The following C12orf42 variants were observed in gnomAD, a reference collection of about 807,000 sequenced individuals.
The protein encoded by C12orf42 is chromosome 12 open reading frame 42.
C12orf42 carries 25 observed loss-of-function variants against 21.6 expected under a neutral mutation model. That is an observed-to-expected ratio of 1.16 (90% CI 0.84 to 1.62). The LOEUF (loss-of-function observed/expected upper bound fraction) is 1.62. C12orf42 is among the 40% of genes most tolerant of loss of function. The probability of loss-of-function intolerance (pLI) is 0.00; values close to 1 mark genes in which losing one functional copy is unlikely to be tolerated. For missense variants in C12orf42, 483 were observed against 459.3 expected (o/e 1.05, Z -0.47); for synonymous variants, 174 against 175.0 (o/e 0.99, Z 0.05).
At chr12:103,390,778 C>A (rs1318708596) in intron 3 of C12orf42, among the ~76,000 whole-genome samples, 1 of 152,152 alleles carries the variant, frequency 6.6e-6, no homozygotes, top group Admixed American at 6.5e-5. Context: ...GAGATGACAT[C>A]TTAGTTCAAG....
chr12:103,335,419 G>T (rs1342792781), intron 4 of C12orf42, among the ~76,000 whole-genome samples: 2 of 152,132 alleles, frequency 1.3e-5, no homozygotes, highest in Non-Finnish European at 2.9e-5. Flanking sequence ...AGCCTTAATA[G>T]GCAGATAATT....
chr12:103,077,381 AC>A, the C12orf42 span, among the ~76,000 whole-genome samples: 7 of 152,338 alleles, frequency 4.6e-5, no homozygotes, highest in South Asian at 6.2e-4. Flanking sequence ...GTAAGCAAAA[AC>A]ACATTGAACT....
At chr12:103,136,283 A>G in the C12orf42 span, among the ~76,000 whole-genome samples, 1 of 152,172 alleles carries the variant, frequency 6.6e-6, no homozygotes, top group Admixed American at 6.5e-5. Flanking sequence ...AAAGAAAGCT[A>G]TATAAAATAT....
chr12:103,543,327 G>C, the C12orf42 span, among the ~76,000 whole-genome samples: 1 of 152,096 alleles, frequency 6.6e-6, no homozygotes, highest in African/African-American at 2.4e-5. Flanking sequence ...TTCTTAGGCC[G>C]GGCAGGCATG....
intron 4 of C12orf42, among the ~76,000 whole-genome samples, chr12:103,353,069 A>C (rs1440998098): frequency 4.6e-5 from 7 of 152,130 alleles, no homozygotes; most frequent in Non-Finnish European, 1.0e-4. Context: ...TTTTGTTTGC[A>C]AGTAAAGAAC....
the C12orf42 span, among the ~76,000 whole-genome samples, chr12:103,531,941 T>C: frequency 1.3e-5 from 2 of 152,224 alleles, no homozygotes; most frequent in South Asian, 2.1e-4. Context: ...TGTTGGCTTT[T>C]TTCTGTTTTT....
the C12orf42 span, among the ~76,000 whole-genome samples, chr12:103,217,807 G>A: frequency 1.3e-5 from 2 of 152,034 alleles, no homozygotes; most frequent in South Asian, 4.1e-4. Context: ...TCCTTGTAGA[G>A]CCCCCCTTAC....
At chr12:103,201,435 A>G in the C12orf42 span, among the ~76,000 whole-genome samples, 1 of 152,142 alleles carries the variant, frequency 6.6e-6, no homozygotes, top group Non-Finnish European at 1.5e-5. Context: ...ATCTCAAATC[A>G]CAATGCGATC....
chr12:103,215,789 C>T, the C12orf42 span, among the ~76,000 whole-genome samples: 1 of 152,186 alleles, frequency 6.6e-6, no homozygotes, highest in South Asian at 2.1e-4. Flanking sequence ...AATGCCTGAG[C>T]CTTGGAACAC....
chr12:103,328,491 C>T (rs2137005033), intron 4 of C12orf42, among the ~76,000 whole-genome samples: 1 of 152,180 alleles, frequency 6.6e-6, no homozygotes, highest in East Asian at 1.9e-4. Context: ...TATAGGAAAA[C>T]AAGATTTTAT....
intron 2 of C12orf42, among the ~76,000 whole-genome samples, chr12:103,447,293 T>C (rs1481207520): frequency 6.6e-6 from 1 of 151,566 alleles, no homozygotes; most frequent in Non-Finnish European, 1.5e-5. Flanking sequence ...AGATGGAAGG[T>C]AAGGTAATAA....
the C12orf42 span, among the ~76,000 whole-genome samples, chr12:103,190,279 G>A: frequency 6.6e-6 from 1 of 152,182 alleles, no homozygotes; most frequent in Non-Finnish European, 1.5e-5. Context: ...GACTCAGCAA[G>A]CTGCTTATCC....
chr12:103,190,047 G>A, the C12orf42 span, among the ~76,000 whole-genome samples: 1 of 152,034 alleles, frequency 6.6e-6, no homozygotes, highest in African/African-American at 2.4e-5. Context: ...ACAATTACAA[G>A]GCAATGTCCC....
the C12orf42 span, among the ~76,000 whole-genome samples, chr12:103,139,565 CA>C: frequency 6.7e-5 from 10 of 150,356 alleles, no homozygotes; most frequent in Admixed American, 4.0e-4. Flanking sequence ...GCAAAAAGAC[CA>C]AAAAAAATTA....
the C12orf42 span, among the ~76,000 whole-genome samples, chr12:103,080,063 C>A: frequency 2.0e-5 from 3 of 152,130 alleles, no homozygotes; most frequent in Non-Finnish European, 4.4e-5. Context: ...TTTGTCTTCC[C>A]AGCCTCCCTG....
chr12:103,291,175 G>C (rs1033643951), intron 4 of C12orf42, among the ~76,000 whole-genome samples: 2 of 152,190 alleles, frequency 1.3e-5, no homozygotes, highest in African/African-American at 4.8e-5. Context: ...GAGAAATTCT[G>C]ATACAGAGAA....
intron 4 of C12orf42, among the ~76,000 whole-genome samples, chr12:103,322,139 A>C (rs1392207472): frequency 1.3e-5 from 2 of 148,258 alleles, no homozygotes. Flanking sequence ...ACACACACAC[A>C]CACACACACA....
intron 2 of C12orf42, among the ~76,000 whole-genome samples, chr12:103,436,999 T>C (rs1297695287): frequency 1.3e-5 from 2 of 150,078 alleles, no homozygotes; most frequent in African/African-American, 4.9e-5. Context: ...GACCACATAC[T>C]TGGAAGTAAA....
intron 5 of C12orf42, among the ~76,000 whole-genome samples, chr12:103,271,713 G>A (rs2035487528): frequency 6.6e-6 from 1 of 152,136 alleles, no homozygotes; most frequent in Non-Finnish European, 1.5e-5. Context: ...AAGGACACAG[G>A]ACACTGGGGG....
Sources: gnomAD v4.1 joint callset for allele counts (sites outside exome capture counted in the v4.1 genomes callset) on GRCh38, gnomAD v4.1.1 for gene constraint, MANE v1.5 for transcripts, NCBI Gene and HGNC (gene_info 2026-07-23, HGNC 2026-07-21) for gene names.